The following THEMIS variants were observed in gnomAD, a reference collection of about 807,000 sequenced individuals.
THEMIS encodes protein THEMIS.
A neutral mutation model predicts 52.6 loss-of-function variants in THEMIS; 37 were observed. The ratio of observed to expected loss-of-function variants is 0.70; its 90% CI spans 0.54 to 0.93. THEMIS has a LOEUF of 0.93. THEMIS is among the 40% of genes least tolerant of loss of function. THEMIS has a pLI of 0.00. For synonymous variants in THEMIS, 292 were observed against 272.7 expected, an observed-to-expected ratio of 1.07 and a Z score of -0.70; for missense variants, 808 against 763.1, an observed-to-expected ratio of 1.06 and a Z score of -0.69.
chr6:127,807,465 T>A (rs1275299398), intron 4 of THEMIS: 1 of 187,196 alleles, frequency 5.3e-6, no homozygotes, highest in East Asian at 1.9e-4. Flanking sequence ...GTCAATTTTT[T>A]AAAGGAAGTT....
chr6:127,717,311 C>CA (rs1185908241), intron 5 of THEMIS, among the ~76,000 whole-genome samples: 7 of 151,812 alleles, frequency 4.6e-5, no homozygotes, highest in Non-Finnish European at 8.8e-5. Flanking sequence ...ATGGGGGAGC[C>CA]AAAATGTAAA....
At chr6:127,762,679 TA>T (rs1405290519) in intron 4 of THEMIS, among the ~76,000 whole-genome samples, 1 of 152,008 alleles carries the variant, frequency 6.6e-6, no homozygotes, top group African/African-American at 2.4e-5. Flanking sequence ...TCTAATTAAT[TA>T]AAATAACTGT....
intron 4 of THEMIS, among the ~76,000 whole-genome samples, chr6:127,730,318 G>A (rs12207023): frequency 0.039 from 4,586 of 116,712 alleles, 220 homozygotes; most frequent in African/African-American, 0.092. Context: ...AAAGAAAAGA[G>A]AAAAAAAGAA....
At chr6:127,735,924 C>T (rs1259049534) in intron 4 of THEMIS, among the ~76,000 whole-genome samples, 2 of 152,278 alleles carry the variant, frequency 1.3e-5, no homozygotes, top group Admixed American at 6.5e-5. Flanking sequence ...TGAAAGCATT[C>T]ATGAAACTAC....
chr6:127,811,584 C>CT (rs1220712322), intron 4 of THEMIS, among the ~76,000 whole-genome samples: 1 of 152,184 alleles, frequency 6.6e-6, no homozygotes, highest in Non-Finnish European at 1.5e-5. Context: ...TGCAAAGTCT[C>CT]TTTTGCCATG....
chr6:127,828,531 A>G (rs1778584674), intron 3 of THEMIS, among the ~76,000 whole-genome samples: 1 of 152,118 alleles, frequency 6.6e-6, no homozygotes. Flanking sequence ...CAAGTTCAGA[A>G]CTCTTTACTA....
intron 4 of THEMIS, among the ~76,000 whole-genome samples, chr6:127,774,891 A>C (rs1006487535): frequency 1.3e-5 from 2 of 152,174 alleles, no homozygotes; most frequent in African/African-American, 2.4e-5. Context: ...TCTTGATCAG[A>C]AGACCATCAA....
At chr6:127,764,605 T>C (rs1316888862) in intron 4 of THEMIS, among the ~76,000 whole-genome samples, 4 of 152,008 alleles carry the variant, frequency 2.6e-5, no homozygotes, top group African/African-American at 9.7e-5. Flanking sequence ...GGTAATAACA[T>C]TGATCCAAGA....
intron 4 of THEMIS, among the ~76,000 whole-genome samples, chr6:127,721,726 A>C (rs1351154972): frequency 6.6e-6 from 1 of 152,014 alleles, no homozygotes; most frequent in African/African-American, 2.4e-5. Context: ...TTTGGAAAGA[A>C]GCAGATTTCA....
chr6:127,868,477 C>T (rs1051434469), intron 1 of THEMIS: 17 of 985,276 alleles, frequency 1.7e-5, no homozygotes, highest in Middle Eastern at 5.2e-4. Flanking sequence ...CATTTCCCAA[C>T]CTTCCACAAA....
chr6:127,849,464 C>T (rs1425613890), intron 2 of THEMIS, among the ~76,000 whole-genome samples: 2 of 151,674 alleles, frequency 1.3e-5, no homozygotes. Context: ...ATCAAGCTAC[C>T]AATGACTTTC....
chr6:127,729,145 T>C (rs1333559159), intron 4 of THEMIS, among the ~76,000 whole-genome samples: 29 of 4,300 alleles, frequency 6.7e-3, no homozygotes, highest in African/African-American at 0.023. Flanking sequence ...ATTTATTCTC[T>C]CTCTCTCTCT....
chr6:127,879,259 T>C (rs1382588607), intron 1 of THEMIS, among the ~76,000 whole-genome samples: 1 of 152,200 alleles, frequency 6.6e-6, no homozygotes, highest in Non-Finnish European at 1.5e-5. Context: ...ATAGCATATC[T>C]TAAAATGCCT....
At chr6:127,707,850 A>G (rs1408728313), downstream of THEMIS, among the ~76,000 whole-genome samples, 1 of 152,136 alleles carries the variant, frequency 6.6e-6, no homozygotes, top group Non-Finnish European at 1.5e-5. Context: ...CCATCTCAAC[A>G]ATCACATTTT....
At chr6:127,899,694 CT>C (rs1030818453) in intron 1 of THEMIS, among the ~76,000 whole-genome samples, 1 of 151,606 alleles carries the variant, frequency 6.6e-6, no homozygotes, top group African/African-American at 2.4e-5. Flanking sequence ...TAAAGAAAGA[CT>C]TTTTACGTAA....
chr6:127,742,726 A>G (rs964432956), intron 4 of THEMIS, among the ~76,000 whole-genome samples: 1 of 152,074 alleles, frequency 6.6e-6, no homozygotes, highest in African/African-American at 2.4e-5. Flanking sequence ...AGTCAAATTC[A>G]TAGAGATGGA....
chr6:127,724,236 T>A (rs555637083), intron 4 of THEMIS, among the ~76,000 whole-genome samples: 2 of 152,242 alleles, frequency 1.3e-5, no homozygotes, highest in Admixed American at 6.5e-5. Context: ...ATTACAGAAA[T>A]CATGCAGAAC....
At chr6:127,849,195 T>C (rs903030186) in intron 2 of THEMIS, among the ~76,000 whole-genome samples, 11 of 152,054 alleles carry the variant, frequency 7.2e-5, no homozygotes, top group African/African-American at 2.7e-4. Flanking sequence ...CCTTTCCCCA[T>C]TTCTTGTTTT....
At chr6:127,867,077 C>A (rs1034297233) in intron 1 of THEMIS, among the ~76,000 whole-genome samples, 5 of 151,710 alleles carry the variant, frequency 3.3e-5, no homozygotes, top group African/African-American at 1.2e-4. Flanking sequence ...CTGTTCCTTT[C>A]TTTCTTCTAG....
Sources: gnomAD v4.1 joint callset for allele counts (sites outside exome capture counted in the v4.1 genomes callset) on GRCh38, gnomAD v4.1.1 for gene constraint, MANE v1.5 for transcripts, NCBI Gene and HGNC (gene_info 2026-07-23, HGNC 2026-07-21) for gene names.